Variants in TULP2 observed in about 807,000 individuals in gnomAD.
TULP2 encodes the protein tubby-related protein 2.
In TULP2, 64 loss-of-function variants were observed where a neutral mutation model predicts 60.3. The observed-to-expected ratio is 1.06, with a 90% CI of 0.87 to 1.31. The LOEUF is 1.31. TULP2 is among the 50% of genes most tolerant of loss of function. The pLI is 0.00. For synonymous variants in TULP2, 267 were observed against 265.4 expected, an observed-to-expected ratio of 1.01 and a Z score of -0.06; for missense variants, 652 against 667.0, an observed-to-expected ratio of 0.98 and a Z score of 0.25.
rs756292612 is a variant in TULP2, at chr19:48,885,415, C to A, written c.1061+33G>T. 13 of 1,588,344 alleles carry A rather than the reference C, an allele frequency of 8.2e-6. No homozygotes were observed. In the East Asian group the frequency reaches 2.9e-4, roughly 36 times the overall value. ...CCCCTGTCCCTAAGCTCCCTGCTAC[C>A]TGCTCCTCACCACATGTCAGAGCTC... On this transcript the variant is annotated intron_variant, in intron 9 of 12. Coordinates refer to ENST00000221399, the MANE Select transcript of TULP2 (RefSeq NM_003323.3).
At chr19:48,896,760 C>A in intron 3 of TULP2, 1 of 540,198 alleles carries the variant, frequency 1.9e-6, no homozygotes, top group Non-Finnish European at 3.1e-6. Flanking sequence ...TCCTGACACC[C>A]TGTCCTCTCA....
In TULP2 at chr19:48,889,625, C is replaced by A; in HGVS notation, c.521G>T (p.Arg174Leu). ...GWQAHQRPGT[R>L]AEGESDSQDM... ...CTGGGAGTCACTCTCACCCTCTGCA[C>A]GGGTCCCTAATGTGGGGAAAAGCAA... The change falls in exon 7 of 13, where the codon CGT becomes CTT. Residue 174 changes from arginine (R) to leucine (L), a missense_variant. By Grantham distance (102) the Arg-to-Leu change is moderately radical (BLOSUM62 -2). Coordinates refer to ENST00000221399, the MANE Select transcript of TULP2 (RefSeq NM_003323.3). 6.3e-7 allele frequency: 1 copy of A among 1,579,386 alleles called. No individual in the cohort carries two copies. Among genetic ancestry groups the A allele is most frequent in the Non-Finnish European group, 8.7e-7 (1 of 1,153,908 alleles).
At position 48,897,545 on chromosome 19, in the gene TULP2, C is replaced by T. The variant is rs116727081; in HGVS notation, c.33-149G>A. 2.2e-3 allele frequency: 1,753 copies of T among 787,006 alleles called. 20 individuals carry two copies. In the African/African-American group the frequency reaches 0.026, roughly 12 times the overall value. The allele number at this position is 787,006 out of a possible 1,614,324, so 48.8% of individuals were successfully genotyped here. A position where few individuals can be genotyped will look rare whatever the true frequency, so the allele number is the denominator to read the frequency against. On this transcript the variant is annotated intron_variant, in intron 2 of 12. Coordinates refer to ENST00000221399, the MANE Select transcript of TULP2 (RefSeq NM_003323.3). This position sits in a 1 kb window ranked among gnomAD's most constrained non-coding sequence, Gnocchi z 4.0. ...GGTGCAGAACCTGAGCCTGCTCCAC[C>T]AGTTATAGGGCCCTTTCTCCTGGCA...
At chr19:48,891,154 A>AAT (rs1433455547) in intron 6 of TULP2, among the ~76,000 whole-genome samples, 1 of 133,858 alleles carries the variant, frequency 7.5e-6, no homozygotes, top group African/African-American at 3.1e-5. Flanking sequence ...CTCTACTAAA[A>AAT]ATACAAAAAA....
At chr19:48,883,180 C>T (rs1247100723) in intron 11 of TULP2, among the ~76,000 whole-genome samples, 41 of 150,592 alleles carry the variant, frequency 2.7e-4, no homozygotes, top group African/African-American at 9.5e-4. Context: ...GATCGCGCCA[C>T]TGCACTCCAG....
At chr19:48,882,871 T>C (rs1353540123) in intron 11 of TULP2, among the ~76,000 whole-genome samples, 1 of 152,200 alleles carries the variant, frequency 6.6e-6, no homozygotes, top group Non-Finnish European at 1.5e-5. Context: ...TTCTTTATTA[T>C]GGCTAACAGA....
intron 4 of TULP2, 119 bp downstream of exon 4, chr19:48,896,311 C>A (rs2037280589): frequency 1.5e-6 from 2 of 1,371,016 alleles, no homozygotes; most frequent in Middle Eastern, 2.7e-4. Flanking sequence ...CCAAGGCCCG[C>A]CCCCATCCAC....
In TULP2 at chr19:48,887,985, A is replaced by G. The variant is rs1270050512; in HGVS notation, c.913T>C (p.Tyr305His). 1 of 1,613,802 alleles carries G rather than the reference A, an allele frequency of 6.2e-7. No homozygotes were observed. The highest frequency in any genetic ancestry group is 2.2e-5 in the East Asian group (1 of 44,882). The change falls in exon 8 of 13, where the codon TAC becomes CAC. Residue 305 changes from tyrosine to histidine, a missense_variant. Transcript: ENST00000221399. ...HGVDKGLFPL[Y>H]YLYLETSDSL... ...TCAGAGGTCTCCAGGTAGAGGTAGT[A>G]GAGGGGGAACAAGCCCTTGTCCACG...
rs60572211 is a variant in TULP2, at chr19:48,897,948, CTTATTTATTTAT to C, written c.-1-91_-1-80del. The C allele has an allele frequency of 2.6e-4, 169 of 638,526 alleles. 19 individuals are homozygous for C. In the South Asian group the frequency reaches 3.1e-3, roughly 12 times the overall value. The allele number at this position is 638,526 out of a possible 1,614,324, so 39.6% of individuals were successfully genotyped here. On this transcript the variant is annotated intron_variant, in intron 1 of 12. Coordinates refer to ENST00000221399, the MANE Select transcript of TULP2 (RefSeq NM_003323.3). This position sits in a 1 kb window ranked among gnomAD's most constrained non-coding sequence, Gnocchi z 4.0. ...TGCCCACCAGCACCTAATCTTTAGC[CTTATTTATTTAT>C]TTATTTATTTATTTATTTATGTATT...
In TULP2 at chr19:48,895,508, G is replaced by C. The variant is rs1340942072; in HGVS notation, c.212-5C>G. On this transcript the variant is annotated splice_polypyrimidine_tract_variant and splice_region_variant and intron_variant, in intron 4 of 12. Coordinates refer to ENST00000221399, the MANE Select transcript of TULP2 (RefSeq NM_003323.3). ...GGAGGAAAGGGTTCCCAAGGCCTGGGAGAAGGTTCAGCGAGCCCATGAAAA... is the reference window on the plus strand; with the variant it reads ...GGAGGAAAGGGTTCCCAAGGCCTGGCAGAAGGTTCAGCGAGCCCATGAAAA... 1.4e-5 allele frequency: 23 copies of C among 1,600,178 alleles called. No homozygotes were observed. Among genetic ancestry groups the C allele is most frequent in the Non-Finnish European group, 1.9e-5 (22 of 1,169,820 alleles).
Position 48,888,000 on chromosome 19 carries a change from C to G in TULP2, c.898G>C (p.Gly300Arg), listed in dbSNP as rs2037197706. 6 of 1,614,116 alleles carry G rather than the reference C, an allele frequency of 3.7e-6. No homozygotes were observed. The highest frequency in any genetic ancestry group is 5.1e-6 in the Non-Finnish European group (6 of 1,179,998). Residue 300 changes from glycine to arginine, a missense_variant, in exon 8 of 13, where the codon GGC becomes CGC. By Grantham distance (125) the Gly-to-Arg change is moderately radical. Coordinates refer to ENST00000221399, the MANE Select transcript of TULP2 (RefSeq NM_003323.3). ...TAGAGGTAGTAGAGGGGGAACAAGC[C>G]CTTGTCCACGCCGTGCTTGTCACGG... ...LTRDKHGVDK[G>R]LFPLYYLYLE...
In TULP2 at chr19:48,883,228, A is replaced by AC. The variant is rs535930634; in HGVS notation, c.1275+525_1275+526insG. Among the ~76,000 whole-genome samples, 20 of 152,064 alleles carry AC rather than the reference A, an allele frequency of 1.3e-4. No homozygotes were observed. In the East Asian group the frequency reaches 3.3e-3, roughly 25 times the overall value. On this transcript the variant is annotated intron_variant, in intron 11 of 12. Coordinates refer to ENST00000221399, the MANE Select transcript of TULP2 (RefSeq NM_003323.3). ...AGCAAGACTCTGTCTCAAAAAAAAA[A>AC]AAAAAGAAAGAAAGAGAGAGTCTAA...
At chr19:48,889,365 C>A in intron 7 of TULP2, 145 bp downstream of exon 7, 2 of 1,325,796 alleles carry the variant, frequency 1.5e-6, no homozygotes, top group Non-Finnish European at 2.0e-6. Context: ...CACGCACGCA[C>A]GCACACACAC....
At position 48,897,276 on chromosome 19, in the gene TULP2, G is replaced by T; in HGVS notation, c.84+69C>A. The T allele has an allele frequency of 6.5e-7, 1 of 1,546,664 alleles. No homozygotes were observed. Among genetic ancestry groups the T allele is most frequent in the South Asian group, 1.1e-5 (1 of 87,460 alleles). On this transcript the variant is annotated intron_variant, in intron 3 of 12. Coordinates refer to ENST00000221399, the MANE Select transcript of TULP2 (RefSeq NM_003323.3). This position sits in a 1 kb window ranked among gnomAD's most constrained non-coding sequence, Gnocchi z 4.0. The stretch of plus-strand genomic sequence containing the variant: ...GGCTGGGAGTCCTAGAGCAAGACCT[G>T]GTGGAGAGGCCCCTGGGGAGGCACA...
rs1281643191 is a variant in TULP2 at position 48,888,073 on chromosome 19, G to A, written c.825C>T (p.Tyr275=). 8 of 1,614,198 alleles carry A rather than the reference G, an allele frequency of 5.0e-6. No individual in the cohort carries two copies. The highest frequency in any genetic ancestry group is 1.6e-4 in the Middle Eastern group (1 of 6,062). The change falls in exon 8 of 13, where the codon TAC becomes TAT. Residue 275 remains tyrosine (Y), a synonymous_variant. Transcript: ENST00000221399. ...CPGLEEDMEA[Y]VLRPALPGTM... ...TGCCCGGGAGCGCTGGCCGCAGCACGTAGGCTTCCATGTCCTCCTCCAGCC... is the reference window on the plus strand; with the variant it reads ...TGCCCGGGAGCGCTGGCCGCAGCACATAGGCTTCCATGTCCTCCTCCAGCC...
intron 6 of TULP2, among the ~76,000 whole-genome samples, chr19:48,892,806 C>G (rs1308702903): frequency 1.3e-5 from 2 of 151,574 alleles, no homozygotes; most frequent in East Asian, 3.9e-4. Context: ...AACAGTTTTT[C>G]TTAGTACAGA....
At chr19:48,887,212 C>G (rs970967001) in intron 8 of TULP2, among the ~76,000 whole-genome samples, 4 of 149,736 alleles carry the variant, frequency 2.7e-5, no homozygotes, top group Non-Finnish European at 5.9e-5. Context: ...GATGTTTCGC[C>G]TTGTTGGCCA....
Position 48,888,272 on chromosome 19 carries a change from C to A in TULP2, c.637-11G>T. ...TTCCAAGTCTTCTTCCTAGCCCAGG[C>A]ACCAAATTTAAAGTCGAGGGACAAC... On this transcript the variant is annotated splice_polypyrimidine_tract_variant and intron_variant, in intron 7 of 12. Transcript: ENST00000221399. 6.4e-7 allele frequency: 1 copy of A among 1,572,190 alleles called. No homozygotes were observed. The highest frequency in any genetic ancestry group is 1.2e-5 in the South Asian group (1 of 86,258).
rs539038190 is a variant in TULP2, at chr19:48,889,829, G to A, written c.515-198C>T. On this transcript the variant is annotated intron_variant, in intron 6 of 12. Coordinates refer to ENST00000221399, the MANE Select transcript of TULP2 (RefSeq NM_003323.3). ...ACTCAGGGTTAAATGGATTAAGGGC[G>A]GTGCAAGATGTGCTTTGTTAAACAG... Among the ~76,000 whole-genome samples the A allele has an allele frequency of 2.6e-4, 40 of 152,266 alleles. 1 individual carries two copies. The East Asian group carries it at 6.9e-3, about 26-fold the overall frequency.
Sources: allele counts gnomAD v4.1 joint callset (sites outside exome capture counted in the v4.1 genomes callset), GRCh38; gene constraint gnomAD v4.1.1; non-coding constraint Gnocchi (gnomAD v3.1); transcripts MANE v1.5; gene names NCBI Gene and HGNC (gene_info 2026-07-23, HGNC 2026-07-21).